Variants in SCAMP2 observed in about 807,000 individuals in gnomAD.
SCAMP2 encodes the protein secretory carrier-associated membrane protein 2.
In SCAMP2, 25 loss-of-function variants were observed where a neutral mutation model predicts 44.1. That is an observed-to-expected ratio of 0.57 (90% CI 0.41 to 0.79). The LOEUF is 0.79. Among genes scored for constraint, SCAMP2 ranks in the 30% least tolerant of loss-of-function variants. The pLI is 0.00. For synonymous variants in SCAMP2, 156 were observed against 166.0 expected, an observed-to-expected ratio of 0.94 and a Z score of 0.46; for missense variants, 355 against 411.0, an observed-to-expected ratio of 0.86 and a Z score of 1.18.
intron 1 of SCAMP2, among the ~76,000 whole-genome samples, chr15:74,860,171 G>GA (rs1308024730): frequency 2.0e-5 from 3 of 152,182 alleles, no homozygotes; most frequent in Non-Finnish European, 4.4e-5. Context: ...TGCACTTTGG[G>GA]AGGCCAAGGC....
chr15:74,856,351 T>G (rs1301891599), intron 1 of SCAMP2, among the ~76,000 whole-genome samples: 1 of 139,666 alleles, frequency 7.2e-6, no homozygotes, highest in East Asian at 2.2e-4. Flanking sequence ...CTCCACTCAC[T>G]GCAGCCTCCG....
At chr15:74,862,867 C>T (rs1337356098) in intron 1 of SCAMP2, among the ~76,000 whole-genome samples, 12 of 144,648 alleles carry the variant, frequency 8.3e-5, no homozygotes, top group South Asian at 4.4e-4. Context: ...CACACACACA[C>T]ACACACACAC....
chr15:74,851,495 A>G lies in SCAMP2; in HGVS notation c.344-14T>C. Reference sequence around the variant, plus strand: ...TGTTCTGTCTCACTGGGTAGGGCAAAAAGAGTGACGAGGTAAGGGCCCAGC... The same window carrying G: ...TGTTCTGTCTCACTGGGTAGGGCAAGAAGAGTGACGAGGTAAGGGCCCAGC... On this transcript the variant is annotated splice_polypyrimidine_tract_variant and intron_variant, in intron 4 of 8. Transcript: ENST00000268099. The G allele has an allele frequency of 2.5e-6, 4 of 1,613,260 alleles. No homozygotes were observed. The highest frequency in any genetic ancestry group is 3.4e-6 in the Non-Finnish European group (4 of 1,179,516).
intron 7 of SCAMP2, among the ~76,000 whole-genome samples, chr15:74,846,174 C>G (rs967406216): frequency 6.6e-6 from 1 of 151,618 alleles, no homozygotes; most frequent in East Asian, 1.9e-4. Context: ...CCCAGCTACT[C>G]GGGAGACTGA....
chr15:74,873,207 G>A lies in SCAMP2; in HGVS notation c.49C>T (p.Pro17Ser), dbSNP rs2064589404. The A allele has an allele frequency of 2.8e-6, 4 of 1,454,428 alleles. No individual in the cohort carries two copies. The highest frequency in any genetic ancestry group is 3.5e-5 in the Admixed American group (1 of 28,472). 90.1% of individuals were successfully genotyped at this position (1,454,428 alleles called of 1,614,324 possible). A position where few individuals can be genotyped will look rare whatever the true frequency, so the allele number is the denominator to read the frequency against. Reference sequence around the variant, plus strand: ...CGGGAGAGGGGCTCTACCTGGAAGGGGTTTACATCCACTGGGTCCGCGAAG... The same window carrying A: ...CGGGAGAGGGGCTCTACCTGGAAGGAGTTTACATCCACTGGGTCCGCGAAG... ...NPFADPVDVN[P>S]FQDPSVTQLT... Residue 17 changes from proline (P) to serine (S), a missense_variant, in exon 1 of 9, where the codon CCC becomes TCC. Pro to Ser is a moderately conservative substitution (Grantham distance 74). Transcript: ENST00000268099.
chr15:74,854,149 G>C (rs370666458), intron 2 of SCAMP2, 30 bp from the exon 3 acceptor site: 7 of 1,588,788 alleles, frequency 4.4e-6, no homozygotes, highest in Non-Finnish European at 5.2e-6. Flanking sequence ...AGACAGAATT[G>C]AGTGGGACTC....
intron 1 of SCAMP2, among the ~76,000 whole-genome samples, chr15:74,864,248 G>T (rs561115565): frequency 6.6e-6 from 1 of 151,940 alleles, no homozygotes; most frequent in African/African-American, 2.4e-5. Flanking sequence ...TTTTTAGTAG[G>T]GACAGGGTTT....
intron 1 of SCAMP2, among the ~76,000 whole-genome samples, chr15:74,862,145 C>A (rs1441622244): frequency 6.7e-6 from 1 of 149,742 alleles, no homozygotes; most frequent in Non-Finnish European, 1.5e-5. Flanking sequence ...CGCCTGTATT[C>A]CCAGCTACTT....
At chr15:74,865,785 CAAAAAAAAAA>C (rs768984095) in intron 1 of SCAMP2, among the ~76,000 whole-genome samples, 1 of 90,662 alleles carries the variant, frequency 1.1e-5, no homozygotes, top group Admixed American at 1.5e-4. Context: ...CTCATTTCTC[CAAAAAAAAAA>C]AAAAAAAAAG....
At chr15:74,853,361 G>A (rs1015027724) in intron 3 of SCAMP2, 1 of 455,928 alleles carries the variant, frequency 2.2e-6, no homozygotes. Context: ...ATCTACATTA[G>A]GCCTACCTTC....
chr15:74,872,203 A>G (rs2064580674), intron 1 of SCAMP2, among the ~76,000 whole-genome samples: 1 of 152,046 alleles, frequency 6.6e-6, no homozygotes, highest in Non-Finnish European at 1.5e-5. Context: ...ACCTGAGGTC[A>G]GGAGTTTGAG....
intron 1 of SCAMP2, among the ~76,000 whole-genome samples, chr15:74,855,519 C>A (rs1371516865): frequency 2.0e-5 from 3 of 151,844 alleles, no homozygotes; most frequent in Non-Finnish European, 4.4e-5. Flanking sequence ...GAGCTCAAGA[C>A]CAGCCTGACC....
chr15:74,868,280 G>C (rs1035677731), intron 1 of SCAMP2, among the ~76,000 whole-genome samples: 1 of 152,132 alleles, frequency 6.6e-6, no homozygotes. Flanking sequence ...TAATCATCCC[G>C]ATCATAACCA....
intron 1 of SCAMP2, among the ~76,000 whole-genome samples, chr15:74,855,716 C>CA (rs10609131): frequency 0.02 from 1,654 of 83,972 alleles, 31 homozygotes; most frequent in African/African-American, 0.045. Flanking sequence ...AACTCCATCT[C>CA]AAAAAAAAAA....
At chr15:74,847,819 CAA>C (rs951195666) in intron 7 of SCAMP2, among the ~76,000 whole-genome samples, 1 of 152,168 alleles carries the variant, frequency 6.6e-6, no homozygotes, top group Non-Finnish European at 1.5e-5. Context: ...GCCGTATGCT[CAA>C]AGAGGGCAGC....
At chr15:74,847,452 T>C (rs1246582309) in intron 7 of SCAMP2, among the ~76,000 whole-genome samples, 2 of 152,242 alleles carry the variant, frequency 1.3e-5, no homozygotes, top group African/African-American at 4.8e-5. Flanking sequence ...TCACAGCTTT[T>C]CTACCAGGGT....
chr15:74,865,665 T>C (rs1308396879), intron 1 of SCAMP2, among the ~76,000 whole-genome samples: 22 of 148,582 alleles, frequency 1.5e-4, no homozygotes, highest in Admixed American at 1.2e-3. Context: ...TCTGAAGTCA[T>C]AGAAATGAAG....
At chr15:74,853,572 G>A (rs897902009) in intron 3 of SCAMP2, 4 of 418,792 alleles carry the variant, frequency 9.6e-6, no homozygotes, top group South Asian at 3.3e-5. Flanking sequence ...GTGAGGCGGC[G>A]CAGTGGAGCA....
chr15:74,853,664 T>TA (rs1293993728), intron 3 of SCAMP2: 33 of 379,060 alleles, frequency 8.7e-5, no homozygotes, highest in East Asian at 1.9e-4. Context: ...TTAATGAAGT[T>TA]AAAAAAAAGA....
Sources: gnomAD v4.1 joint callset for allele counts (sites outside exome capture counted in the v4.1 genomes callset) on GRCh38, gnomAD v4.1.1 for gene constraint, MANE v1.5 for transcripts, NCBI Gene and HGNC (gene_info 2026-07-23, HGNC 2026-07-21) for gene names.